CSMD3: variants seen among roughly 807,000 people sequenced by gnomAD.
The protein encoded by CSMD3 is CUB and sushi domain-containing protein 3.
A neutral mutation model predicts 435.2 loss-of-function variants in CSMD3; 177 were observed. That is an observed-to-expected ratio of 0.41 (90% confidence interval 0.36 to 0.46). CSMD3 has a LOEUF of 0.46. Ranked by LOEUF, CSMD3 falls within the 20% of genes least tolerant of loss-of-function variation. The pLI, the probability that CSMD3 is intolerant of heterozygous loss-of-function variation, is 0.34. For synonymous variants in CSMD3, 1,656 were observed against 1,520.5 expected, an observed-to-expected ratio of 1.09 and a Z score of -2.07; for missense variants, 4,265 against 4,504.6, an observed-to-expected ratio of 0.95 and a Z score of 1.52.
chr8:112,660,268 C>G (rs4323500), intron 17 of CSMD3, among the ~76,000 whole-genome samples: 45,212 of 151,888 alleles, frequency 0.3, 6,807 homozygotes, highest in East Asian at 0.36. Context: ...AATAAAGCAC[C>G]AAGACATTAT....
chr8:112,805,206 G>A (rs563560057), intron 12 of CSMD3, among the ~76,000 whole-genome samples: 7 of 152,098 alleles, frequency 4.6e-5, no homozygotes, highest in Non-Finnish European at 5.9e-5. Context: ...TCCATAGGGA[G>A]TGTCTGTGGA....
chr8:112,511,527 C>G (rs1000404062), intron 28 of CSMD3, among the ~76,000 whole-genome samples: 2 of 151,452 alleles, frequency 1.3e-5, no homozygotes, highest in African/African-American at 4.9e-5. Flanking sequence ...GTAGCTGGGA[C>G]TACAGGCGCC....
chr8:112,732,355 T>G (rs2077092546), intron 13 of CSMD3, among the ~76,000 whole-genome samples: 1 of 152,086 alleles, frequency 6.6e-6, no homozygotes, highest in Non-Finnish European at 1.5e-5. Context: ...AATGGGTTAG[T>G]GTTCACTAAC....
chr8:112,808,583 C>T (rs987330253), intron 12 of CSMD3, among the ~76,000 whole-genome samples: 1 of 152,158 alleles, frequency 6.6e-6, no homozygotes, highest in African/African-American at 2.4e-5. Context: ...ACCCTAAGCC[C>T]CCGCATTTGT....
intron 38 of CSMD3, among the ~76,000 whole-genome samples, chr8:112,360,778 T>C (rs1827118140): frequency 6.6e-6 from 1 of 151,946 alleles, no homozygotes; most frequent in South Asian, 2.1e-4. Flanking sequence ...CTAAGTTCAT[T>C]TGAAGAGATC....
chr8:113,150,741 T>G (rs903278548), intron 4 of CSMD3, among the ~76,000 whole-genome samples: 4 of 152,038 alleles, frequency 2.6e-5, no homozygotes, highest in Admixed American at 2.0e-4. Flanking sequence ...TAAATATAAT[T>G]TATTCATTAC....
intron 13 of CSMD3, among the ~76,000 whole-genome samples, chr8:112,707,806 T>A (rs2076531597): frequency 6.6e-6 from 1 of 152,110 alleles, no homozygotes; most frequent in Non-Finnish European, 1.5e-5. Context: ...TTAACTCTTA[T>A]AAATTCTAGA....
intron 1 of CSMD3, among the ~76,000 whole-genome samples, chr8:113,330,913 A>G (rs75220174): frequency 0.012 from 1,871 of 151,962 alleles, 19 homozygotes; most frequent in Non-Finnish European, 0.019. Flanking sequence ...CTCGAGCAAG[A>G]CCAGAAGCCA....
At chr8:113,108,336 G>C (rs2090541786) in intron 4 of CSMD3, among the ~76,000 whole-genome samples, 1 of 151,600 alleles carries the variant, frequency 6.6e-6, no homozygotes, top group Non-Finnish European at 1.5e-5. Context: ...GCTGATGCAG[G>C]AGAATTGCTT....
intron 1 of CSMD3, among the ~76,000 whole-genome samples, chr8:113,342,501 GATTAAC>G (rs1240782145): frequency 2.6e-5 from 4 of 152,094 alleles, no homozygotes; most frequent in Non-Finnish European, 5.9e-5. Flanking sequence ...AAATTGATCT[GATTAAC>G]ATAAAATATT....
intron 32 of CSMD3, among the ~76,000 whole-genome samples, chr8:112,426,127 T>C (rs1352150868): frequency 6.6e-6 from 1 of 152,150 alleles, no homozygotes; most frequent in Non-Finnish European, 1.5e-5. Flanking sequence ...GCTGCAATAG[T>C]TTCAAATCAT....
chr8:112,227,588 A>G (rs1404964456), intron 70 of CSMD3, among the ~76,000 whole-genome samples: 1 of 152,202 alleles, frequency 6.6e-6, no homozygotes, highest in Non-Finnish European at 1.5e-5. Flanking sequence ...ACAATTTTTA[A>G]AAAGTTGACT....
chr8:113,235,590 G>A (rs1563583850), intron 3 of CSMD3, among the ~76,000 whole-genome samples: 2 of 152,192 alleles, frequency 1.3e-5, no homozygotes, highest in African/African-American at 2.4e-5. Context: ...TTAATTTTAG[G>A]TGCAAACTTG....
At chr8:112,793,899 A>T (rs1439478432) in intron 13 of CSMD3, among the ~76,000 whole-genome samples, 4 of 152,200 alleles carry the variant, frequency 2.6e-5, no homozygotes, top group Non-Finnish European at 4.4e-5. Flanking sequence ...GAAGATTTAG[A>T]CTAAACTTAA....
intron 1 of CSMD3, among the ~76,000 whole-genome samples, chr8:113,357,679 T>C (rs1348135446): frequency 1.3e-5 from 2 of 152,158 alleles, no homozygotes; most frequent in Non-Finnish European, 2.9e-5. Flanking sequence ...TAATTCCCAA[T>C]TAAAATTACA....
At chr8:113,054,435 C>T (rs1275227332) in intron 5 of CSMD3, among the ~76,000 whole-genome samples, 1 of 152,020 alleles carries the variant, frequency 6.6e-6, no homozygotes, top group Admixed American at 6.6e-5. Flanking sequence ...AAAATGAAAA[C>T]AATCCCATGA....
chr8:112,440,019 G>T (rs879709958), intron 32 of CSMD3, among the ~76,000 whole-genome samples: 1 of 152,068 alleles, frequency 6.6e-6, no homozygotes. Context: ...CTTTCCAACA[G>T]TCACCCACAG....
At chr8:113,267,792 CG>C (rs1335191080) in intron 3 of CSMD3, among the ~76,000 whole-genome samples, 2 of 151,402 alleles carry the variant, frequency 1.3e-5, no homozygotes, top group East Asian at 3.9e-4. Context: ...AGATTTCACA[CG>C]TATCTCATGA....
At chr8:113,160,287 A>G (rs984883216) in intron 4 of CSMD3, among the ~76,000 whole-genome samples, 2 of 151,950 alleles carry the variant, frequency 1.3e-5, no homozygotes, top group South Asian at 4.1e-4. Context: ...CAACCTAGAA[A>G]AGACTCAGCA....
Sources: gnomAD v4.1 joint callset for allele counts (sites outside exome capture counted in the v4.1 genomes callset) on GRCh38, gnomAD v4.1.1 for gene constraint, MANE v1.5 for transcripts, NCBI Gene and HGNC (gene_info 2026-07-23, HGNC 2026-07-21) for gene names.